Variants in ADGRG6 observed in about 807,000 individuals in gnomAD.
ADGRG6 encodes the protein G-protein coupled receptor 126.
In ADGRG6, 84 loss-of-function variants were observed where a neutral mutation model predicts 142.4. The observed-to-expected ratio is 0.59, with a 90% CI of 0.49 to 0.71. ADGRG6 has a LOEUF of 0.71. ADGRG6 is among the 30% of genes least tolerant of loss of function. ADGRG6 has a pLI of 0.00. For synonymous variants in ADGRG6, 521 were observed against 520.5 expected, an observed-to-expected ratio of 1.00 and a Z score of -0.01; for missense variants, 1,367 against 1,466.6, an observed-to-expected ratio of 0.93 and a Z score of 1.11.
At chr6:142,429,633 G>A (rs1777116847) in intron 22 of ADGRG6, among the ~76,000 whole-genome samples, 1 of 152,176 alleles carries the variant, frequency 6.6e-6, no homozygotes, top group Non-Finnish European at 1.5e-5. Flanking sequence ...TTTGGACACA[G>A]GCTACTAAGG....
At chr6:142,398,037 C>T (rs1775293576) in intron 10 of ADGRG6, among the ~76,000 whole-genome samples, 1 of 152,108 alleles carries the variant, frequency 6.6e-6, no homozygotes, top group Non-Finnish European at 1.5e-5. Flanking sequence ...TAATCTTGAT[C>T]ATCACTGTTG....
At chr6:142,410,197 C>T (rs1776011669) in intron 17 of ADGRG6, among the ~76,000 whole-genome samples, 1 of 152,004 alleles carries the variant, frequency 6.6e-6, no homozygotes, top group Non-Finnish European at 1.5e-5. Flanking sequence ...TTATAAAATA[C>T]AGCATACAAT....
Position 142,419,868 on chromosome 6 carries a change from AT to A in ADGRG6, c.3087del (p.Phe1029LeufsTer7). The A allele has an allele frequency of 1.2e-6, 2 of 1,612,058 alleles. No individual in the cohort carries two copies. The highest frequency in any genetic ancestry group is 1.7e-6 in the Non-Finnish European group (2 of 1,178,482). On this transcript the variant is annotated frameshift_variant, in exon 22 of 25. Transcript: ENST00000367609. LOFTEE classifies it high-confidence loss of function. ...ATATTTTATGTGACCTGTGCTGGGT[AT>A]TTTGGAGTCATGTTTTTTCTGAACA... is the stretch of plus-strand genomic sequence containing the variant. ...PVIFYVTCAG[Y>X]FGVMFFLNIA...
intron 10 of ADGRG6, among the ~76,000 whole-genome samples, 153 bp from the exon 11 acceptor site, chr6:142,400,332 T>A (rs895379990): frequency 2.0e-5 from 3 of 152,062 alleles, no homozygotes; most frequent in Non-Finnish European, 4.4e-5. Flanking sequence ...TTTTTTTTTT[T>A]ACAAATTCTG....
At chr6:142,302,474 T>G in intron 1 of ADGRG6, 143 bp downstream of exon 1, 1 of 825,028 alleles carries the variant, frequency 1.2e-6, no homozygotes, top group Non-Finnish European at 1.9e-6. Flanking sequence ...CCGGTTTGTC[T>G]TCAGTTTGCC....
At chr6:142,379,233 A>G (rs1385948527) in intron 4 of ADGRG6, among the ~76,000 whole-genome samples, 4 of 152,080 alleles carry the variant, frequency 2.6e-5, no homozygotes, top group Admixed American at 6.5e-5. Context: ...AACGTCCTCT[A>G]TTCTTCCTTT....
At chr6:142,347,400 T>C (rs1172883512) in intron 2 of ADGRG6, among the ~76,000 whole-genome samples, 1 of 152,176 alleles carries the variant, frequency 6.6e-6, no homozygotes, top group Non-Finnish European at 1.5e-5. Context: ...TGATATATAA[T>C]GAGAAATATT....
chr6:142,442,127 T>C (rs1777781966), intron 24 of ADGRG6, among the ~76,000 whole-genome samples: 1 of 152,216 alleles, frequency 6.6e-6, no homozygotes, highest in African/African-American at 2.4e-5. Context: ...TGTCACATAC[T>C]GAGTCCAGCA....
At chr6:142,325,993 A>G (rs1388045894) in intron 2 of ADGRG6, among the ~76,000 whole-genome samples, 1 of 152,070 alleles carries the variant, frequency 6.6e-6, no homozygotes, top group African/African-American at 2.4e-5. Flanking sequence ...AATACAGAAT[A>G]ATTTTATGAA....
intron 2 of ADGRG6, among the ~76,000 whole-genome samples, chr6:142,321,850 A>G (rs1050703111): frequency 2.0e-5 from 3 of 152,194 alleles, no homozygotes; most frequent in African/African-American, 7.2e-5. Flanking sequence ...TACCTCTATT[A>G]GAACAGTCTC....
intron 2 of ADGRG6, among the ~76,000 whole-genome samples, chr6:142,334,590 C>A (rs918009685): frequency 6.6e-6 from 1 of 152,104 alleles, no homozygotes; most frequent in Non-Finnish European, 1.5e-5. Flanking sequence ...ATGGCTTTTT[C>A]CCCAAAGTAA....
chr6:142,354,027 G>A (rs73580425), intron 2 of ADGRG6, among the ~76,000 whole-genome samples: 2,313 of 152,298 alleles, frequency 0.015, 56 homozygotes, highest in African/African-American at 0.052. Context: ...AAGATGTTGG[G>A]ATAGGAGCAA....
intron 2 of ADGRG6, among the ~76,000 whole-genome samples, chr6:142,338,153 T>C (rs1236246132): frequency 6.6e-6 from 1 of 151,036 alleles, no homozygotes; most frequent in Non-Finnish European, 1.5e-5. Flanking sequence ...CCCGAGTAGC[T>C]GCGACTACAG....
intron 4 of ADGRG6, among the ~76,000 whole-genome samples, chr6:142,375,959 T>C (rs1455000971): frequency 6.6e-6 from 1 of 152,140 alleles, no homozygotes; most frequent in Non-Finnish European, 1.5e-5. Flanking sequence ...TATACTTTTC[T>C]AAAAAATATT....
At chr6:142,427,673 A>C (rs904831497) in intron 22 of ADGRG6, among the ~76,000 whole-genome samples, 3 of 152,182 alleles carry the variant, frequency 2.0e-5, no homozygotes, top group Non-Finnish European at 4.4e-5. Flanking sequence ...ACACATACCC[A>C]AAACTGGGCC....
At position 142,417,658 on chromosome 6, in the gene ADGRG6, C is replaced by G. The variant is rs191023209; in HGVS notation, c.3035+289C>G. ...CTATTTCAGAAGATTTCATAACACT[C>G]TCACCTCCTCAAACCCACCCACGTC... On this transcript the variant is annotated intron_variant, in intron 21 of 24. Transcript: ENST00000367609. Among the ~76,000 whole-genome samples the G allele has an allele frequency of 3.8e-4, 58 of 152,282 alleles. 1 individual carries two copies. In the East Asian group the frequency reaches 0.011, roughly 28 times the overall value.
chr6:142,376,557 A>G (rs1190502204), intron 4 of ADGRG6, among the ~76,000 whole-genome samples: 1 of 152,152 alleles, frequency 6.6e-6, no homozygotes, highest in Admixed American at 6.5e-5. Flanking sequence ...TTTCATAATC[A>G]TTACAGTTCT....
chr6:142,308,928 G>A (rs1203156634), intron 1 of ADGRG6, among the ~76,000 whole-genome samples: 1 of 151,710 alleles, frequency 6.6e-6, no homozygotes, highest in Non-Finnish European at 1.5e-5. Flanking sequence ...TCCATCTAAT[G>A]TCATTTACTA....
chr6:142,304,528 C>T (rs988207563), intron 1 of ADGRG6, among the ~76,000 whole-genome samples: 1 of 152,110 alleles, frequency 6.6e-6, no homozygotes, highest in Non-Finnish European at 1.5e-5. Flanking sequence ...ATATTAGAAG[C>T]CTGTAGTTTT....
Sources: gnomAD v4.1 joint callset for allele counts (sites outside exome capture counted in the v4.1 genomes callset) on GRCh38, gnomAD v4.1.1 for gene constraint, MANE v1.5 for transcripts, NCBI Gene and HGNC (gene_info 2026-07-23, HGNC 2026-07-21) for gene names.